CTDSPL: variants seen among roughly 807,000 people sequenced by gnomAD.
CTDSPL encodes CTD small phosphatase like, also known as CTD small phosphatase-like protein.
CTDSPL carries 8 observed loss-of-function variants against 30.5 expected under a neutral mutation model. The ratio of observed to expected loss-of-function variants is 0.26; its 90% CI spans 0.15 to 0.47. The LOEUF is 0.47. Ranked by LOEUF, CTDSPL falls within the 20% of genes least tolerant of loss-of-function variation. The probability of loss-of-function intolerance (pLI) is 0.99; values close to 1 mark genes in which losing one functional copy is unlikely to be tolerated. For missense variants in CTDSPL, 248 were observed against 366.1 expected, an observed-to-expected ratio of 0.68 and a Z score of 2.63; for synonymous variants, 110 against 137.9, an observed-to-expected ratio of 0.80 and a Z score of 1.42.
At chr3:37,870,184 G>A (rs1026730303) in intron 1 of CTDSPL, among the ~76,000 whole-genome samples, 14 of 151,888 alleles carry the variant, frequency 9.2e-5, no homozygotes, top group South Asian at 2.1e-4. Context: ...ACGTTTTTTC[G>A]GAGGGATGGG....
chr3:37,866,295 T>A lies in CTDSPL; in HGVS notation c.79+4017T>A, dbSNP rs187017567. ...GCAGGAAAAATTTTGAAGAACAGTA[T>A]AAACAGTATGGTTCCTACCTTTGTA... On this transcript the variant is annotated intron_variant, in intron 1 of 7. Transcript: ENST00000273179. Among the ~76,000 whole-genome samples, 417 of 152,164 alleles carry A rather than the reference T, an allele frequency of 2.7e-3. 12 individuals carry two copies. The highest frequency in any genetic ancestry group is 0.025 in the Admixed American group (382 of 15,274).
chr3:37,918,828 C>T (rs1161792963), intron 1 of CTDSPL, among the ~76,000 whole-genome samples: 2 of 152,158 alleles, frequency 1.3e-5, no homozygotes, highest in African/African-American at 4.8e-5. Flanking sequence ...TCTGGGCCCC[C>T]TGCTGAGAAC....
chr3:37,932,060 C>T lies in CTDSPL; in HGVS notation c.80-14997C>T, dbSNP rs574940971. Among the ~76,000 whole-genome samples the T allele has an allele frequency of 2.6e-5, 4 of 151,968 alleles. No individual in the cohort carries two copies. In the South Asian group the frequency reaches 8.3e-4, roughly 32 times the overall value. ...TCTACAGTAGCAAAGCTGTGTTTTA[C>T]TGGCACAAGCAGGAGAATGGAATGG... On this transcript the variant is annotated intron_variant, in intron 1 of 7. Coordinates refer to ENST00000273179, the MANE Select transcript of CTDSPL (RefSeq NM_001008392.2).
Position 37,980,939 on chromosome 3 carries a change from C to T in CTDSPL, c.*72C>T. 6.5e-7 allele frequency: 1 copy of T among 1,532,286 alleles called. No individual in the cohort carries two copies. Among genetic ancestry groups the T allele is most frequent in the Admixed American group, 1.9e-5 (1 of 52,028 alleles). The allele number at this position is 1,532,286 out of a possible 1,614,324, so 94.9% of individuals were successfully genotyped here. A position where few individuals can be genotyped will look rare whatever the true frequency, so the allele number is the denominator to read the frequency against. ...CCTCAGGGGACCTGCCTGTCCTCAGCTCCCTGGGAGCTGAAAGTGAGGATA... is the reference window on the plus strand; with the variant it reads ...CCTCAGGGGACCTGCCTGTCCTCAGTTCCCTGGGAGCTGAAAGTGAGGATA... On this transcript the variant is annotated 3_prime_UTR_variant, in exon 8 of 8. Transcript: ENST00000273179.
At position 37,882,181 on chromosome 3, in the gene CTDSPL, G is replaced by T. The variant is rs575677345; in HGVS notation, c.79+19903G>T. Among the ~76,000 whole-genome samples, 7 of 152,208 alleles carry T rather than the reference G, an allele frequency of 4.6e-5. No homozygotes were observed. The East Asian group carries it at 1.4e-3, about 29-fold the overall frequency. On this transcript the variant is annotated intron_variant, in intron 1 of 7. Transcript: ENST00000273179. ...ATATTGGCTGGGCACGGTGGCTCAC[G>T]CCTGTAATCCTAGCACTTTGGGAGG...
intron 1 of CTDSPL, among the ~76,000 whole-genome samples, chr3:37,922,851 A>C (rs569065474): frequency 1.1e-4 from 16 of 152,208 alleles, no homozygotes; most frequent in Non-Finnish European, 2.2e-4. Flanking sequence ...TGTGAGGGCT[A>C]CCTTCAAGGC....
chr3:37,970,042 C>T (rs1171682916), intron 5 of CTDSPL, among the ~76,000 whole-genome samples: 3 of 152,192 alleles, frequency 2.0e-5, no homozygotes, highest in Non-Finnish European at 2.9e-5. Context: ...CCTCTCACTT[C>T]ATCTTCAGCC....
intron 1 of CTDSPL, among the ~76,000 whole-genome samples, chr3:37,936,123 G>A (rs1698912474): frequency 6.6e-6 from 1 of 152,144 alleles, no homozygotes; most frequent in South Asian, 2.1e-4. Context: ...AATCCCTCCT[G>A]ACCATTGTTA....
At chr3:37,920,433 C>A (rs1437538228) in intron 1 of CTDSPL, among the ~76,000 whole-genome samples, 3 of 152,188 alleles carry the variant, frequency 2.0e-5, no homozygotes, top group Non-Finnish European at 4.4e-5. Flanking sequence ...GGAAACAGTT[C>A]TCCTCCTTTT....
At position 37,910,007 on chromosome 3, in the gene CTDSPL, T is replaced by G. The variant is rs79958517; in HGVS notation, c.80-37050T>G. On this transcript the variant is annotated intron_variant, in intron 1 of 7. Coordinates refer to ENST00000273179, the MANE Select transcript of CTDSPL (RefSeq NM_001008392.2). Reference sequence around the variant, plus strand: ...ATTCAAATCCCAGCTCCATCATTTTTAGCGATATGACTTTAGGCAAGTGAC... The same window carrying G: ...ATTCAAATCCCAGCTCCATCATTTTGAGCGATATGACTTTAGGCAAGTGAC... Among the ~76,000 whole-genome samples, 421 of 152,340 alleles carry G rather than the reference T, an allele frequency of 2.8e-3. 1 individual carries two copies. Among genetic ancestry groups the G allele is most frequent in the Non-Finnish European group, 4.4e-3 (296 of 68,030 alleles).
chr3:37,942,693 A>G (rs921700077), intron 1 of CTDSPL, among the ~76,000 whole-genome samples: 5 of 150,326 alleles, frequency 3.3e-5, no homozygotes, highest in African/African-American at 1.2e-4. Flanking sequence ...AGGCACTGTT[A>G]TAAGAACTCA....
chr3:37,951,047 TATTC>T (rs1699101050), intron 2 of CTDSPL, among the ~76,000 whole-genome samples: 1 of 152,188 alleles, frequency 6.6e-6, no homozygotes, highest in African/African-American at 2.4e-5. Context: ...GTGAGATTGA[TATTC>T]AGTTATGATA....
At chr3:37,902,438 T>C (rs73058903) in intron 1 of CTDSPL, among the ~76,000 whole-genome samples, 8,502 of 152,078 alleles carry the variant, frequency 0.056, 301 homozygotes, top group African/African-American at 0.1. Context: ...TAGTCCGTTT[T>C]CCATGGGTCT....
At chr3:37,923,487 T>C (rs1698744351) in intron 1 of CTDSPL, among the ~76,000 whole-genome samples, 1 of 152,204 alleles carries the variant, frequency 6.6e-6, no homozygotes, top group African/African-American at 2.4e-5. Flanking sequence ...CCCCAGCGTG[T>C]GGTGTCTATT....
chr3:37,901,238 G>C (rs1349842404), intron 1 of CTDSPL, among the ~76,000 whole-genome samples: 2 of 152,198 alleles, frequency 1.3e-5, no homozygotes, highest in Non-Finnish European at 1.5e-5. Flanking sequence ...CTGCCTTTCT[G>C]TGTATGCTCC....
Position 37,958,443 on chromosome 3 carries a change from A to AT in CTDSPL, c.267+1307dup, listed in dbSNP as rs971034999. ...CTTTATATAAAGTAGTTTTTGACAT[A>AT]TTTTTTTCCTGCAGAGGTACCTACA... On this transcript the variant is annotated intron_variant, in intron 3 of 7. Coordinates refer to ENST00000273179, the MANE Select transcript of CTDSPL (RefSeq NM_001008392.2). Among the ~76,000 whole-genome samples the AT allele has an allele frequency of 3.9e-5, 6 of 152,166 alleles. No individual in the cohort carries two copies. In the East Asian group the frequency reaches 1.2e-3, roughly 29 times the overall value.
At position 37,880,127 on chromosome 3, in the gene CTDSPL, T is replaced by A. The variant is rs1327944420; in HGVS notation, c.79+17849T>A. On this transcript the variant is annotated intron_variant, in intron 1 of 7. Transcript: ENST00000273179. Reference sequence around the variant, plus strand: ...TGTACCAAGTAATATTATATATATATAAAAATAAGATATATATATATATAT... The same window carrying A: ...TGTACCAAGTAATATTATATATATAAAAAAATAAGATATATATATATATAT... Among the ~76,000 whole-genome samples the A allele has an allele frequency of 4.1e-5, 6 of 147,596 alleles. No individual in the cohort carries two copies. The Admixed American group carries it at 4.1e-4, about 10-fold the overall frequency.
At chr3:37,978,036 T>G (rs2125636319) in intron 7 of CTDSPL, among the ~76,000 whole-genome samples, 1 of 152,336 alleles carries the variant, frequency 6.6e-6, no homozygotes, top group South Asian at 2.1e-4. Flanking sequence ...GTTAGCCTGA[T>G]CCATCTATTA....
intron 1 of CTDSPL, among the ~76,000 whole-genome samples, chr3:37,887,934 T>C (rs1346224587): frequency 2.0e-5 from 3 of 152,194 alleles, no homozygotes; most frequent in Non-Finnish European, 2.9e-5. Context: ...ATTTAAGAAA[T>C]ATACAGCAAT....
Sources: allele counts gnomAD v4.1 joint callset (sites outside exome capture counted in the v4.1 genomes callset), GRCh38; gene constraint gnomAD v4.1.1; transcripts MANE v1.5; gene names NCBI Gene and HGNC (gene_info 2026-07-23, HGNC 2026-07-21).